Variants in MRTFB observed in about 807,000 individuals in gnomAD.
MRTFB encodes the protein myocardin-related transcription factor B.
A neutral mutation model predicts 104.2 loss-of-function variants in MRTFB; 29 were observed. The observed-to-expected ratio is 0.28, with a 90% CI of 0.21 to 0.38. The LOEUF (loss-of-function observed/expected upper bound fraction) is 0.38. MRTFB is among the 10% of genes least tolerant of loss of function. The pLI is 1.00. For synonymous variants in MRTFB, 535 were observed against 519.5 expected, an observed-to-expected ratio of 1.03 and a Z score of -0.41; for missense variants, 1,270 against 1,341.6, an observed-to-expected ratio of 0.95 and a Z score of 0.83.
intron 3 of MRTFB, among the ~76,000 whole-genome samples, chr16:14,191,331 C>T (rs2040172718): frequency 6.6e-6 from 1 of 152,216 alleles, no homozygotes; most frequent in Non-Finnish European, 1.5e-5. Flanking sequence ...TGCTTTGCTC[C>T]TCTCGCTCCT....
At chr16:14,047,779 A>G in the MRTFB span, among the ~76,000 whole-genome samples, 3 of 152,160 alleles carry the variant, frequency 2.0e-5, no homozygotes, top group African/African-American at 4.8e-5. Context: ...CCCACAACAC[A>G]TGGGAATTAT....
intron 2 of MRTFB, among the ~76,000 whole-genome samples, chr16:14,101,115 T>C (rs2035676808): frequency 6.7e-6 from 1 of 150,238 alleles, no homozygotes; most frequent in Admixed American, 6.6e-5. Flanking sequence ...TGGGTACACA[T>C]AATTATGTAG....
the MRTFB span, among the ~76,000 whole-genome samples, chr16:14,063,317 C>G: frequency 6.6e-6 from 1 of 152,172 alleles, no homozygotes; most frequent in Non-Finnish European, 1.5e-5. Flanking sequence ...TTTTTAAAAT[C>G]ACATGTATTA....
chr16:14,055,353 A>AAAGAAG, the MRTFB span, among the ~76,000 whole-genome samples: 2 of 152,074 alleles, frequency 1.3e-5, no homozygotes, highest in African/African-American at 2.4e-5. Context: ...CTCCGTCTCA[A>AAAGAAG]AAGAAGAAGA....
At chr16:14,233,700 G>T (rs762100405) in intron 8 of MRTFB, among the ~76,000 whole-genome samples, 1 of 143,736 alleles carries the variant, frequency 7.0e-6, no homozygotes, top group Non-Finnish European at 1.5e-5. Context: ...CAAAGCTGGA[G>T]AATTGCTTGA....
intron 1 of MRTFB, among the ~76,000 whole-genome samples, chr16:14,074,128 AC>A (rs2033897312): frequency 6.6e-6 from 1 of 152,096 alleles, no homozygotes; most frequent in Non-Finnish European, 1.5e-5. Context: ...GTTGCGTGTT[AC>A]GTTTGAAAGG....
intron 10 of MRTFB, among the ~76,000 whole-genome samples, chr16:14,241,835 A>G (rs1240340875): frequency 2.0e-5 from 3 of 152,090 alleles, no homozygotes; most frequent in Non-Finnish European, 2.9e-5. Context: ...AGCTATTGAC[A>G]TTGGAAGGGA....
intron 2 of MRTFB, among the ~76,000 whole-genome samples, chr16:14,084,698 T>C (rs1367588360): frequency 1.3e-5 from 2 of 152,262 alleles, no homozygotes; most frequent in Non-Finnish European, 2.9e-5. Flanking sequence ...TGCATTCATA[T>C]GTAAACCTAT....
intron 3 of MRTFB, among the ~76,000 whole-genome samples, chr16:14,191,284 T>A (rs982772494): frequency 5.3e-5 from 8 of 152,246 alleles, no homozygotes; most frequent in Admixed American, 4.6e-4. Flanking sequence ...TGTTTCCATT[T>A]CTGCCCTCAC....
intron 8 of MRTFB, among the ~76,000 whole-genome samples, chr16:14,224,364 C>A (rs1202265347): frequency 6.6e-6 from 1 of 152,118 alleles, no homozygotes; most frequent in Non-Finnish European, 1.5e-5. Context: ...CTACAGTGTG[C>A]CTTTACAGTG....
intron 8 of MRTFB, among the ~76,000 whole-genome samples, chr16:14,225,699 T>C (rs9924322): frequency 0.94 from 143,205 of 152,176 alleles, 67,615 homozygotes; most frequent in Non-Finnish European, 0.97. Flanking sequence ...CATTCATGCC[T>C]GGCTAATTTT....
At chr16:14,110,102 A>G (rs1453342936) in intron 2 of MRTFB, among the ~76,000 whole-genome samples, 1 of 152,212 alleles carries the variant, frequency 6.6e-6, no homozygotes, top group Non-Finnish European at 1.5e-5. Flanking sequence ...TGGACTTACT[A>G]GAAACATCAA....
intron 3 of MRTFB, among the ~76,000 whole-genome samples, chr16:14,193,282 G>A (rs2040276893): frequency 2.0e-5 from 3 of 150,222 alleles, no homozygotes. Flanking sequence ...TTGTGTCACT[G>A]GCTCACACCT....
chr16:14,194,779 C>T (rs2040354655), intron 3 of MRTFB, among the ~76,000 whole-genome samples: 3 of 149,264 alleles, frequency 2.0e-5, no homozygotes. Flanking sequence ...TTCTCACTAG[C>T]TGTGTGATCT....
At chr16:14,092,620 T>G (rs1232156999) in intron 2 of MRTFB, 4 of 151,114 alleles carry the variant, frequency 2.6e-5, no homozygotes, top group Non-Finnish European at 4.4e-5. Flanking sequence ...AGATTATGAT[T>G]AGACTTGTGA....
In MRTFB at chr16:14,258,176, A is replaced by G. The variant is rs777696380; in HGVS notation, c.2764+15A>G. 1 of 1,610,884 alleles carries G rather than the reference A, an allele frequency of 6.2e-7. No homozygotes were observed. Among genetic ancestry groups the G allele is most frequent in the South Asian group, 1.1e-5 (1 of 90,910 alleles). The stretch of plus-strand genomic sequence containing the variant: ...TAAGAGTGGAGGTAAGTCAAAAGTC[A>G]CATCAGATCCTCCCAGGAAGTCATC... On this transcript the variant is annotated intron_variant, in intron 16 of 16. Coordinates refer to ENST00000571589, the MANE Select transcript of MRTFB (RefSeq NM_001308142.2).
At chr16:14,184,680 G>A (rs1264582925) in intron 3 of MRTFB, among the ~76,000 whole-genome samples, 9 of 152,176 alleles carry the variant, frequency 5.9e-5, no homozygotes, top group Admixed American at 5.2e-4. Context: ...GTATGATTAT[G>A]TTAGCTTTCT....
At chr16:14,026,405 T>C in the MRTFB span, among the ~76,000 whole-genome samples, 2 of 152,176 alleles carry the variant, frequency 1.3e-5, no homozygotes, top group Admixed American at 1.3e-4. Flanking sequence ...ATGCAAAAAT[T>C]AACTCAGAGC....
At chr16:14,251,210 T>C (rs183915354) in intron 13 of MRTFB, among the ~76,000 whole-genome samples, 158 of 151,994 alleles carry the variant, frequency 1.0e-3, no homozygotes, top group African/African-American at 3.7e-3. Context: ...ACCCCGTCTC[T>C]ACTAAAAATA....
Sources: allele counts gnomAD v4.1 joint callset (sites outside exome capture counted in the v4.1 genomes callset), GRCh38; gene constraint gnomAD v4.1.1; transcripts MANE v1.5; gene names NCBI Gene and HGNC (gene_info 2026-07-23, HGNC 2026-07-21).